Variants in CLTCL1 observed in about 807,000 individuals in gnomAD.
CLTCL1 encodes the protein clathrin heavy chain like 1.
Under a neutral mutation model 190.0 loss-of-function variants are expected in CLTCL1, and 159 were observed. That is an observed-to-expected ratio of 0.84 (90% confidence interval 0.74 to 0.95). The LOEUF (loss-of-function observed/expected upper bound fraction) is 0.95. Ranked by LOEUF, CLTCL1 falls within the 40% of genes least tolerant of loss-of-function variation. The pLI, the probability that CLTCL1 is intolerant of heterozygous loss-of-function variation, is 0.00. For missense variants in CLTCL1, 1,878 were observed against 2,033.4 expected (o/e 0.92, Z 1.47); for synonymous variants, 752 against 769.6 (o/e 0.98, Z 0.38).
At chr22:19,232,174 G>A (rs1168144394) in intron 10 of CLTCL1, among the ~76,000 whole-genome samples, 2 of 152,066 alleles carry the variant, frequency 1.3e-5, no homozygotes, top group Non-Finnish European at 2.9e-5. Context: ...TAGTAACTGG[G>A]GTGGGCCACG....
chr22:19,259,298 G>A (rs1349233822), intron 2 of CLTCL1, among the ~76,000 whole-genome samples: 3 of 152,016 alleles, frequency 2.0e-5, no homozygotes, highest in Non-Finnish European at 2.9e-5. Context: ...TAGAGACGGG[G>A]TTTTACCATG....
chr22:19,208,083 T>A, intron 22 of CLTCL1, 71 bp downstream of exon 22: 4 of 1,588,666 alleles, frequency 2.5e-6, no homozygotes, highest in East Asian at 4.5e-5. Context: ...AGCTCGGGAC[T>A]GCTGCTCTGA....
chr22:19,232,345 T>A, intron 10 of CLTCL1, 131 bp downstream of exon 10: 2 of 1,279,122 alleles, frequency 1.6e-6, no homozygotes, highest in Non-Finnish European at 2.2e-6. Flanking sequence ...GTACACTAGA[T>A]TTTTTAAAAC....
At chr22:19,256,646 C>T (rs189785485) in intron 2 of CLTCL1, among the ~76,000 whole-genome samples, 1 of 151,702 alleles carries the variant, frequency 6.6e-6, no homozygotes, top group Admixed American at 6.6e-5. Context: ...GCGCGAGCCA[C>T]CATGCCCAGT....
chr22:19,278,448 A>G (rs2087592818), intron 1 of CLTCL1, among the ~76,000 whole-genome samples: 1 of 152,196 alleles, frequency 6.6e-6, no homozygotes, highest in Admixed American at 6.5e-5. Flanking sequence ...CTTAGAAGGC[A>G]GGCAGAAGAG....
intron 2 of CLTCL1, among the ~76,000 whole-genome samples, chr22:19,272,391 C>T (rs1601709557): frequency 6.6e-6 from 1 of 152,174 alleles, no homozygotes; most frequent in African/African-American, 2.4e-5. Context: ...TCTCTGAGCA[C>T]TTGGGAGTTC....
rs575712337 is a variant in CLTCL1 at position 19,239,367 on chromosome 22, G to A, written c.703C>T (p.Gln235Ter). The change falls in exon 5 of 33, where the codon CAG becomes TAG. Residue 235 changes from glutamine to a stop codon, truncating the protein, a stop_gained. Transcript: ENST00000427926. LOFTEE classifies it high-confidence loss of function. ...GGKLHIIEVG[Q>*]PAAGNQPFVK... ...AAAGGTTGGTTTCCCGCTGCAGGCT[G>A]TCCAACTTCAATGATGTGCAACTAG... 3.7e-6 allele frequency: 6 copies of A among 1,613,946 alleles called. No homozygotes were observed. In the African/African-American group the frequency reaches 5.3e-5, roughly 14 times the overall value.
At position 19,222,664 on chromosome 22, in the gene CLTCL1, C is replaced by T. The variant is rs2085611860; in HGVS notation, c.2418+20G>A. 1.3e-6 allele frequency: 2 copies of T among 1,583,076 alleles called. No homozygotes were observed. Among genetic ancestry groups the T allele is most frequent in the Non-Finnish European group, 8.6e-7 (1 of 1,164,510 alleles). On this transcript the variant is annotated intron_variant, in intron 15 of 32. Transcript: ENST00000427926. ...GGGGCCCAGAGGCAGCCGGGTGTCA[C>T]TCCAGGGAGCCAGCAGTACCTTCTG...
chr22:19,199,596 T>C, intron 24 of CLTCL1, 138 bp downstream of exon 24: 1 of 572,308 alleles, frequency 1.7e-6, no homozygotes, highest in East Asian at 3.0e-5. Flanking sequence ...AACACATGAA[T>C]CTTCCCCTCA....
At chr22:19,202,344 G>C (rs2084911509) in intron 22 of CLTCL1, among the ~76,000 whole-genome samples, 1 of 144,128 alleles carries the variant, frequency 6.9e-6, no homozygotes, top group African/African-American at 2.6e-5. Context: ...CAAATGCACT[G>C]GCAACACTAC....
rs1555935608 is a variant in CLTCL1, at chr22:19,196,379, C to T, written c.4078G>A (p.Glu1360Lys). ...TACTTGTCATAGAGGAACACCAGCT[C>T]AGCCCACAGGTGTGCCTGCTCTGCA... ...RAAEQAHLWAELVFLYDKYEE... is the reference protein window; with the variant it reads ...RAAEQAHLWAKLVFLYDKYEE... Residue 1360 changes from glutamate (E) to lysine (K), a missense_variant, in exon 26 of 33, where the codon GAG (glutamate) becomes AAG (lysine). Transcript: ENST00000427926. The T allele has an allele frequency of 6.2e-7, 1 of 1,614,080 alleles. No homozygotes were observed. The highest frequency in any genetic ancestry group is 8.5e-7 in the Non-Finnish European group (1 of 1,179,908).
chr22:19,284,948 C>CT (rs2087851657), intron 1 of CLTCL1, among the ~76,000 whole-genome samples: 1 of 151,898 alleles, frequency 6.6e-6, no homozygotes, highest in Non-Finnish European at 1.5e-5. Context: ...GAGCGAGACT[C>CT]TGTCTCAAGA....
At chr22:19,205,896 C>T (rs1296110786) in intron 22 of CLTCL1, among the ~76,000 whole-genome samples, 1 of 151,214 alleles carries the variant, frequency 6.6e-6, no homozygotes, top group African/African-American at 2.4e-5. Context: ...ACTTTTAACA[C>T]CTTTCAAAAC....
chr22:19,187,780 C>T (rs375337155), intron 28 of CLTCL1, 52 bp from the exon 29 acceptor site: 24 of 1,579,924 alleles, frequency 1.5e-5, no homozygotes, highest in African/African-American at 1.5e-4. Context: ...GGGCTGCCTA[C>T]ACATGGAGCA....
chr22:19,231,360 AC>A (rs1345067599), intron 10 of CLTCL1, among the ~76,000 whole-genome samples: 1 of 152,168 alleles, frequency 6.6e-6, no homozygotes, highest in Admixed American at 6.5e-5. Flanking sequence ...AGTAGCTGGG[AC>A]CACAGGTGTG....
chr22:19,239,579 C>CCAAG (rs2086186040), intron 4 of CLTCL1, among the ~76,000 whole-genome samples, 191 bp from the exon 5 acceptor site: 1 of 152,232 alleles, frequency 6.6e-6, no homozygotes, highest in Non-Finnish European at 1.5e-5. Flanking sequence ...CTGCCCACCA[C>CCAAG]CAAGCATGGC....
chr22:19,285,714 G>A lies in CLTCL1; in HGVS notation c.42+5886C>T, dbSNP rs536067996. On this transcript the variant is annotated intron_variant, in intron 1 of 32. Transcript: ENST00000427926. ...GGAAGAAAATGTGGGAGAAGAGCCT[G>A]CAAACTCAGTAAAGTCTCAGTGAAG... is the stretch of plus-strand genomic sequence containing the variant. 1.7e-4 allele frequency among the ~76,000 whole-genome samples: 26 copies of A among 152,304 alleles called. No individual in the cohort carries two copies. The East Asian group carries it at 5.0e-3, about 29-fold the overall frequency.
intron 22 of CLTCL1, chr22:19,207,821 C>T (rs1302832785): frequency 3.3e-6 from 2 of 603,266 alleles, no homozygotes; most frequent in African/African-American, 3.7e-5. Context: ...TTATGAAAAC[C>T]TAATGCCTGC....
Position 19,221,389 on chromosome 22 carries a change from A to G in CLTCL1, c.2784T>C (p.Leu928=), listed in dbSNP as rs1555952153. ...ATCTGCTACCCACCTTGATGAGCTC[A>G]AGGTCACACTGCCCCCGCTCATAGG... ...CVAYERGQCD[L]ELIKVCNENS... is the part of the protein sequence containing the mutation. Residue 928 remains leucine (L), a synonymous_variant, in exon 17 of 33, where the codon CTT becomes CTC. Coordinates refer to ENST00000427926, the MANE Select transcript of CLTCL1 (RefSeq NM_007098.4). 1 of 1,551,688 alleles carries G rather than the reference A, an allele frequency of 6.4e-7. No individual in the cohort carries two copies. The highest frequency in any genetic ancestry group is 2.4e-5 in the East Asian group (1 of 41,008).
Sources: gnomAD v4.1 joint callset for allele counts (sites outside exome capture counted in the v4.1 genomes callset) on GRCh38, gnomAD v4.1.1 for gene constraint, MANE v1.5 for transcripts, NCBI Gene and HGNC (gene_info 2026-07-23, HGNC 2026-07-21) for gene names.